Variants in MACROD2 observed in about 807,000 individuals in gnomAD.
MACROD2 encodes mono-ADP ribosylhydrolase 2.
In MACROD2, 36 loss-of-function variants were observed where a neutral mutation model predicts 70.4. That is an observed-to-expected ratio of 0.51 (90% confidence interval 0.39 to 0.68). The LOEUF (loss-of-function observed/expected upper bound fraction) is 0.68. MACROD2 is among the 30% of genes least tolerant of loss of function. MACROD2 has a pLI of 0.00. For synonymous variants in MACROD2, 172 were observed against 178.8 expected (o/e 0.96, Z 0.30); for missense variants, 496 against 538.4 (o/e 0.92, Z 0.78).
At chr20:15,461,002 A>AT (rs199589127) in intron 7 of MACROD2, among the ~76,000 whole-genome samples, 4,465 of 50,178 alleles carry the variant, frequency 0.089, 247 homozygotes, top group Non-Finnish European at 0.12. Flanking sequence ...ATATATATAT[A>AT]TATATTTTTT....
intron 10 of MACROD2, among the ~76,000 whole-genome samples, chr20:15,931,912 G>A (rs1006877611): frequency 2.0e-5 from 3 of 152,056 alleles, no homozygotes; most frequent in Non-Finnish European, 4.4e-5. Flanking sequence ...TGAGGCTTTT[G>A]TTTCAGCTCT....
At chr20:14,304,725 T>G (rs1202472347) in intron 3 of MACROD2, among the ~76,000 whole-genome samples, 1 of 152,038 alleles carries the variant, frequency 6.6e-6, no homozygotes, top group Non-Finnish European at 1.5e-5. Context: ...TGCTGAGAAC[T>G]GCTGTTGAAA....
intron 3 of MACROD2, among the ~76,000 whole-genome samples, chr20:14,387,487 T>C (rs1298722788): frequency 6.6e-6 from 1 of 152,132 alleles, no homozygotes; most frequent in Admixed American, 6.5e-5. Context: ...AATAAGAAAA[T>C]AGAAAAAAGT....
Position 14,326,573 on chromosome 20 carries a change from T to G in MACROD2, c.272-166906T>G. Reference sequence around the variant, plus strand: ...AACCAGTCACGTACCCATTTCATCTTGCACCCGCAATACCAGGGATTGTTG... The same window carrying G: ...AACCAGTCACGTACCCATTTCATCTGGCACCCGCAATACCAGGGATTGTTG... On this transcript the variant is annotated intron_variant, in intron 3 of 17. Coordinates refer to ENST00000684519, the MANE Select transcript of MACROD2 (RefSeq NM_001351661.2). The surrounding 1 kb of genome is among the most constrained non-coding windows in gnomAD (Gnocchi z 5.5). 1 of 1,613,904 alleles carries G rather than the reference T, an allele frequency of 6.2e-7. No individual in the cohort carries two copies. Among genetic ancestry groups the G allele is most frequent in the Non-Finnish European group, 8.5e-7 (1 of 1,179,840 alleles).
chr20:15,107,348 A>G (rs2075918750), intron 5 of MACROD2, among the ~76,000 whole-genome samples: 2 of 152,010 alleles, frequency 1.3e-5, no homozygotes, highest in Admixed American at 6.6e-5. Flanking sequence ...GAGCTGACAC[A>G]TAACCAATTA....
At chr20:14,049,373 T>C (rs1165508350) in intron 2 of MACROD2, among the ~76,000 whole-genome samples, 2 of 151,834 alleles carry the variant, frequency 1.3e-5, no homozygotes, top group Non-Finnish European at 2.9e-5. Flanking sequence ...CAAGGAACTC[T>C]ATTTGTGTTA....
intron 6 of MACROD2, among the ~76,000 whole-genome samples, chr20:15,347,419 G>A (rs1411623270): frequency 6.6e-6 from 1 of 152,122 alleles, no homozygotes; most frequent in Non-Finnish European, 1.5e-5. Flanking sequence ...GCAGGTGTGA[G>A]GGTGAGTGTC....
intron 6 of MACROD2, among the ~76,000 whole-genome samples, chr20:15,363,844 G>A (rs1282381325): frequency 1.3e-5 from 2 of 152,090 alleles, no homozygotes; most frequent in African/African-American, 2.4e-5. Context: ...ACGGCTTCAC[G>A]ATCCCATATA....
chr20:14,620,688 G>A (rs752619005), intron 4 of MACROD2, among the ~76,000 whole-genome samples: 2 of 152,038 alleles, frequency 1.3e-5, no homozygotes, highest in Non-Finnish European at 2.9e-5. Context: ...GCTGCAGGAT[G>A]TGGTTGGGCT....
chr20:14,586,771 C>T (rs1981408114), intron 4 of MACROD2, among the ~76,000 whole-genome samples: 1 of 151,964 alleles, frequency 6.6e-6, no homozygotes, highest in South Asian at 2.1e-4. Context: ...TAGAATCTCA[C>T]ATATATTGAG....
chr20:16,024,546 T>C (rs1443150829), intron 15 of MACROD2, among the ~76,000 whole-genome samples: 1 of 142,400 alleles, frequency 7.0e-6, no homozygotes, highest in Non-Finnish European at 1.6e-5. Context: ...CACACACACA[T>C]GCCAACTACC....
intron 9 of MACROD2, among the ~76,000 whole-genome samples, chr20:15,868,497 A>G (rs2064524982): frequency 6.6e-6 from 1 of 152,170 alleles, no homozygotes. Flanking sequence ...ATCTAATAAA[A>G]GTGTGGAACT....
rs894894718 is a variant in MACROD2, at chr20:15,190,528, A to G, written c.419-39412A>G. ...TCAGTCTTTGAGTTCCTCTGAAATC[A>G]GAGCCTGAGATAAGAATCTGGGACT... On this transcript the variant is annotated intron_variant, in intron 5 of 17. Transcript: ENST00000684519. Among the ~76,000 whole-genome samples, 7 of 152,246 alleles carry G rather than the reference A, an allele frequency of 4.6e-5. No homozygotes were observed. In the East Asian group the frequency reaches 1.2e-3, roughly 25 times the overall value.
chr20:15,511,421 C>T (rs180964465), intron 8 of MACROD2, among the ~76,000 whole-genome samples: 223 of 152,110 alleles, frequency 1.5e-3, no homozygotes, highest in Non-Finnish European at 2.4e-3. Flanking sequence ...TCGATATAAG[C>T]GCAAAACTTC....
intron 6 of MACROD2, among the ~76,000 whole-genome samples, chr20:15,359,832 G>A (rs1047351022): frequency 1.6e-4 from 24 of 152,208 alleles, no homozygotes; most frequent in African/African-American, 4.3e-4. Context: ...TTCATTTTGC[G>A]TAACTAGGTT....
intron 8 of MACROD2, among the ~76,000 whole-genome samples, chr20:15,693,138 A>G (rs895396957): frequency 6.6e-6 from 1 of 152,152 alleles, no homozygotes; most frequent in Non-Finnish European, 1.5e-5. Context: ...TTCATAGATT[A>G]CCCAGTCTGA....
intron 4 of MACROD2, among the ~76,000 whole-genome samples, chr20:14,577,955 C>A (rs1054721357): frequency 3.9e-5 from 6 of 151,992 alleles, no homozygotes; most frequent in Non-Finnish European, 8.8e-5. Flanking sequence ...GACACTTAGG[C>A]TAAATGACTG....
intron 5 of MACROD2, among the ~76,000 whole-genome samples, chr20:14,843,174 T>C (rs544544715): frequency 6.6e-6 from 1 of 150,486 alleles, no homozygotes; most frequent in South Asian, 2.1e-4. Flanking sequence ...TTTTTTTTTT[T>C]TTTTTTTTGC....
At chr20:14,947,335 C>T (rs1237794692) in intron 5 of MACROD2, among the ~76,000 whole-genome samples, 1 of 152,184 alleles carries the variant, frequency 6.6e-6, no homozygotes, top group African/African-American at 2.4e-5. Flanking sequence ...CAGCATGATT[C>T]CATTTCTGAC....
Sources: gnomAD v4.1 joint callset for allele counts (sites outside exome capture counted in the v4.1 genomes callset) on GRCh38, gnomAD v4.1.1 for gene constraint, Gnocchi (gnomAD v3.1) non-coding constraint, MANE v1.5 for transcripts, NCBI Gene and HGNC (gene_info 2026-07-23, HGNC 2026-07-21) for gene names.